GABRG1: variants seen among roughly 807,000 people sequenced by gnomAD.
GABRG1 encodes gamma-aminobutyric acid receptor subunit gamma-1.
Under a neutral mutation model 49.8 loss-of-function variants are expected in GABRG1, and 49 were observed. The observed-to-expected ratio is 0.98, with a 90% CI of 0.78 to 1.25. The LOEUF is 1.25. Among genes scored for constraint, GABRG1 ranks in the 50% most tolerant of loss-of-function variants. GABRG1 has a pLI of 0.00. For synonymous variants in GABRG1, 232 were observed against 185.1 expected (o/e 1.25, Z -2.06); for missense variants, 552 against 552.3 (o/e 1.00, Z 0.01).
chr4:46,097,891 G>GGAAGAACCCAGCCATCTTTTTC (rs1720234409), intron 1 of GABRG1, among the ~76,000 whole-genome samples: 1 of 151,546 alleles, frequency 6.6e-6, no homozygotes, highest in South Asian at 2.1e-4. Context: ...CTTTTAAGTC[G>GGAAGAACCCAGCCATCTTTTTC]GAAGAACCCA....
rs1243632070 is a variant in GABRG1 at position 46,036,731 on chromosome 4, G to T, written c.*4257C>A. ...CATATTAGCCACTATAAGCTTATAC[G>T]CCTAACTGGCTTGTTATATTCCAAA... On this transcript the variant is annotated 3_prime_UTR_variant, in exon 9 of 9. Transcript: ENST00000295452. 3 of 151,894 alleles carry T rather than the reference G, an allele frequency of 2.0e-5. No homozygotes were observed. The highest frequency in any genetic ancestry group is 7.2e-5 in the African/African-American group (3 of 41,426). The allele number at this position is 151,894 out of a possible 1,614,324, so 9.4% of individuals were successfully genotyped here.
chr4:46,076,056 A>G (rs1395716119), intron 3 of GABRG1, among the ~76,000 whole-genome samples: 2 of 151,786 alleles, frequency 1.3e-5, no homozygotes, highest in African/African-American at 4.8e-5. Flanking sequence ...ACCACAGCAC[A>G]ACCTATCCAT....
intron 3 of GABRG1, among the ~76,000 whole-genome samples, chr4:46,083,690 T>C (rs1396078268): frequency 1.3e-5 from 2 of 151,660 alleles, no homozygotes; most frequent in East Asian, 3.9e-4. Context: ...TCAGACTTCC[T>C]GATTTTTTTT....
chr4:46,083,319 A>C (rs1361698834), intron 3 of GABRG1, among the ~76,000 whole-genome samples: 1 of 151,722 alleles, frequency 6.6e-6, no homozygotes, highest in Admixed American at 6.6e-5. Flanking sequence ...CTGTAACCCT[A>C]ACTTGGACTC....
At chr4:46,087,704 A>G (rs1303324853) in intron 2 of GABRG1, among the ~76,000 whole-genome samples, 1 of 151,950 alleles carries the variant, frequency 6.6e-6, no homozygotes, top group East Asian at 1.9e-4. Flanking sequence ...ACTTTGAAAT[A>G]ATTATGATTA....
chr4:46,097,781 A>G (rs1288769851), intron 1 of GABRG1, among the ~76,000 whole-genome samples: 1 of 151,724 alleles, frequency 6.6e-6, no homozygotes, highest in African/African-American at 2.4e-5. Context: ...TAAAATGTAC[A>G]AAAAATGGAT....
chr4:46,059,926 T>C (rs1215807242), intron 5 of GABRG1, among the ~76,000 whole-genome samples: 3 of 152,194 alleles, frequency 2.0e-5, no homozygotes, highest in African/African-American at 7.2e-5. Flanking sequence ...CAATTGCCCA[T>C]TATTTATTTT....
intron 3 of GABRG1, among the ~76,000 whole-genome samples, chr4:46,083,566 C>A (rs911547772): frequency 6.6e-6 from 1 of 151,696 alleles, no homozygotes; most frequent in Non-Finnish European, 1.5e-5. Context: ...CCAGTAACAT[C>A]AAATTGCTGG....
chr4:46,113,201 GA>G (rs1720776738), intron 1 of GABRG1, among the ~76,000 whole-genome samples: 1 of 151,062 alleles, frequency 6.6e-6, no homozygotes, highest in African/African-American at 2.4e-5. Context: ...AACTGCCCAA[GA>G]CTGAGTAATT....
At chr4:46,123,166 C>T (rs988901476) in intron 1 of GABRG1, among the ~76,000 whole-genome samples, 2 of 149,898 alleles carry the variant, frequency 1.3e-5, no homozygotes, top group African/African-American at 2.5e-5. Context: ...TTCATGTGGC[C>T]ACACATTTTT....
At position 46,059,263 on chromosome 4, in the gene GABRG1, C is replaced by T. The variant is rs1053177123; in HGVS notation, c.626-641G>A. Reference sequence around the variant, plus strand: ...ACATTATTATGCATGCCTCCCGAAACGTGGCATGCAATATGCAAGCATTAC... The same window carrying T: ...ACATTATTATGCATGCCTCCCGAAATGTGGCATGCAATATGCAAGCATTAC... On this transcript the variant is annotated intron_variant, in intron 5 of 8. Coordinates refer to ENST00000295452, the MANE Select transcript of GABRG1 (RefSeq NM_173536.4). Among the ~76,000 whole-genome samples the T allele has an allele frequency of 7.9e-5, 12 of 152,240 alleles. No individual in the cohort carries two copies. In the East Asian group the frequency reaches 1.7e-3, roughly 22 times the overall value.
intron 3 of GABRG1, among the ~76,000 whole-genome samples, chr4:46,075,540 G>C (rs953443851): frequency 8.6e-5 from 13 of 151,932 alleles, no homozygotes; most frequent in Admixed American, 7.2e-4. Context: ...TGAGATTACT[G>C]TATCCGAATC....
At chr4:46,076,856 C>T (rs1013038013) in intron 3 of GABRG1, among the ~76,000 whole-genome samples, 15 of 151,660 alleles carry the variant, frequency 9.9e-5, no homozygotes, top group African/African-American at 3.4e-4. Context: ...AAAATATTCA[C>T]TTTCAATATT....
At position 46,036,310 on chromosome 4, in the gene GABRG1, AT is replaced by A. The variant is rs1717522535; in HGVS notation, c.*4677del. On this transcript the variant is annotated 3_prime_UTR_variant, in exon 9 of 9. Transcript: ENST00000295452. The stretch of plus-strand genomic sequence containing the variant: ...TATATATATAATTTTATACATATAT[AT>A]ATGTATGTATGTCTCAGTTAGAAAA... 2.0e-5 allele frequency: 3 copies of A among 151,722 alleles called. No individual in the cohort carries two copies. The highest frequency in any genetic ancestry group is 7.2e-5 in the African/African-American group (3 of 41,382). 9.4% of individuals were successfully genotyped at this position (151,722 alleles called of 1,614,324 possible). A position where few individuals can be genotyped will look rare whatever the true frequency, so the allele number is the denominator to read the frequency against.
At chr4:46,084,095 G>A in intron 2 of GABRG1, 42 bp from the exon 3 acceptor site, 1 of 1,105,132 alleles carries the variant, frequency 9.0e-7, no homozygotes. Flanking sequence ...GATATGATTA[G>A]ACATTGTTTT....
At chr4:46,102,938 A>G (rs969074505) in intron 1 of GABRG1, among the ~76,000 whole-genome samples, 1 of 151,630 alleles carries the variant, frequency 6.6e-6, no homozygotes, top group African/African-American at 2.4e-5. Flanking sequence ...AATATAAACT[A>G]TTTTTCATGC....
rs2109403002 is a variant in GABRG1 at position 46,058,616 on chromosome 4, T to C, written c.632A>G (p.Tyr211Cys). 1 of 1,611,448 alleles carries C rather than the reference T, an allele frequency of 6.2e-7. No homozygotes were observed. The highest frequency in any genetic ancestry group is 1.7e-4 in the Middle Eastern group (1 of 6,034). The change falls in exon 6 of 9, where the codon TAC becomes TGC. Residue 211 changes from tyrosine (Y) to cysteine (C), a missense_variant. Coordinates refer to ENST00000295452, the MANE Select transcript of GABRG1 (RefSeq NM_173536.4). ...SCPLEFSSYGYPKNEIEYKWK... is the reference protein window; with the variant it reads ...SCPLEFSSYGCPKNEIEYKWK... ...CTTATACTCAATTTCATTTTTAGGG[T>C]ATCCATCTATAGAGAAAAAATACAT...
rs538890833 is a variant in GABRG1, at chr4:46,086,038, G to A, written c.254-1985C>T. ...TTTTTGCAATAGCATAACAATGCAT[G>A]AGAAAACCATGTACTGCCATGGCAA... is the stretch of plus-strand genomic sequence containing the variant. On this transcript the variant is annotated intron_variant, in intron 2 of 8. Transcript: ENST00000295452. Among the ~76,000 whole-genome samples the A allele has an allele frequency of 2.6e-5, 4 of 151,664 alleles. No individual in the cohort carries two copies. The South Asian group carries it at 8.3e-4, about 31-fold the overall frequency.
chr4:46,048,069 G>A (rs1231089417), intron 8 of GABRG1, among the ~76,000 whole-genome samples: 2 of 151,986 alleles, frequency 1.3e-5, no homozygotes, highest in African/African-American at 2.4e-5. Flanking sequence ...GCTAGCCTAT[G>A]GGCCGAATAT....
Sources: allele counts gnomAD v4.1 joint callset (sites outside exome capture counted in the v4.1 genomes callset), GRCh38; gene constraint gnomAD v4.1.1; transcripts MANE v1.5; gene names NCBI Gene and HGNC (gene_info 2026-07-23, HGNC 2026-07-21).